The following NDRG4 variants were observed in gnomAD, a reference collection of about 807,000 sequenced individuals.
NDRG4 encodes the protein NDRG family member 4.
A neutral mutation model predicts 55.8 loss-of-function variants in NDRG4; 38 were observed. That is an observed-to-expected ratio of 0.68 (90% CI 0.53 to 0.89). The LOEUF is 0.89. Ranked by LOEUF, NDRG4 falls within the 40% of genes least tolerant of loss-of-function variation. The pLI is 0.00. For missense variants in NDRG4, 455 were observed against 468.6 expected (o/e 0.97, Z 0.27); for synonymous variants, 190 against 182.7 (o/e 1.04, Z -0.32).
Position 58,464,928 on chromosome 16 carries a change from G to A in NDRG4, c.-24+1131G>A. On this transcript the variant is annotated intron_variant, in intron 1 of 15. Coordinates refer to the NDRG4 transcript ENST00000258187. The surrounding 1 kb of genome is among the most constrained non-coding windows in gnomAD (Gnocchi z 4.8). ...AGTGGAGGCGACGCCAAGTGGCCTG[G>A]GAAGTGGGAAGCCAGATTGGACCCT... The A allele has an allele frequency of 8.5e-7, 1 of 1,175,884 alleles. No homozygotes were observed. The highest frequency in any genetic ancestry group is 1.1e-6 in the Non-Finnish European group (1 of 935,446). 72.8% of individuals were successfully genotyped at this position (1,175,884 alleles called of 1,614,324 possible). A position where few individuals can be genotyped will look rare whatever the true frequency, so the allele number is the denominator to read the frequency against.
chr16:58,467,376 G>A (rs138948859), intron 1 of NDRG4, among the ~76,000 whole-genome samples: 5,996 of 152,110 alleles, frequency 0.039, 132 homozygotes, highest in African/African-American at 0.052. Context: ...GTGTGGTGGC[G>A]CACGCCTGTA....
chr16:58,473,403 A>G (rs559737110), intron 1 of NDRG4, among the ~76,000 whole-genome samples: 2 of 152,156 alleles, frequency 1.3e-5, no homozygotes, highest in African/African-American at 4.8e-5. Flanking sequence ...GGCTCAAGTA[A>G]TCCTCCCACC....
At chr16:58,475,601 C>G (rs2033509340) in intron 1 of NDRG4, 1 of 455,690 alleles carries the variant, frequency 2.2e-6, no homozygotes, top group Non-Finnish European at 4.4e-6. Flanking sequence ...TTTTTTCTCT[C>G]TCATAACCAG....
At chr16:58,496,501 C>T (rs2036426844), upstream of NDRG4, among the ~76,000 whole-genome samples, 1 of 152,084 alleles carries the variant, frequency 6.6e-6, no homozygotes, top group African/African-American at 2.4e-5. Context: ...TTATCTCCTG[C>T]TCACTATGGC....
intron 1 of NDRG4, among the ~76,000 whole-genome samples, chr16:58,467,695 C>G (rs1408534186): frequency 6.6e-6 from 1 of 152,170 alleles, no homozygotes. Context: ...GGCTTTGGGA[C>G]AGTCTAATAG....
chr16:58,497,934 TAGA>T (rs1220115723), upstream of NDRG4, among the ~76,000 whole-genome samples: 2 of 151,992 alleles, frequency 1.3e-5, no homozygotes, highest in South Asian at 2.1e-4. Flanking sequence ...GCTTTACAAT[TAGA>T]AGCCTGAGAC....
Position 58,480,560 on chromosome 16 carries a change from C to G in NDRG4, c.-23-7196C>G, listed in dbSNP as rs548408881. On this transcript the variant is annotated intron_variant, in intron 1 of 15. Transcript: ENST00000258187. Reference sequence around the variant, plus strand: ...AATACTGCTTTATGCCTATAACTGACATTGGAACAGTGGCATTTGAGCAAC... The same window carrying G: ...AATACTGCTTTATGCCTATAACTGAGATTGGAACAGTGGCATTTGAGCAAC... 5.3e-5 allele frequency among the ~76,000 whole-genome samples: 8 copies of G among 152,340 alleles called. No individual in the cohort carries two copies. The South Asian group carries it at 1.7e-3, about 32-fold the overall frequency.
chr16:58,511,332 G>T (rs74019901), intron 14 of NDRG4, 90 bp from the exon 15 acceptor site: 1 of 1,423,938 alleles, frequency 7.0e-7, no homozygotes, highest in Non-Finnish European at 9.4e-7. Context: ...GGAACGGTTC[G>T]CTGGCCGCTT....
At chr16:58,500,982 T>G in intron 1 of NDRG4, 1 of 1,243,706 alleles carries the variant, frequency 8.0e-7, no homozygotes, top group Non-Finnish European at 1.0e-6. Flanking sequence ...CTGCCTTATT[T>G]TGTAGGTGGG....
chr16:58,487,866 G>C, intron 2 of NDRG4: 1 of 1,522,752 alleles, frequency 6.6e-7, no homozygotes, highest in Non-Finnish European at 8.9e-7. Flanking sequence ...TTGGAGTCGC[G>C]CCTTTGAGGT....
At position 58,464,859 on chromosome 16, in the gene NDRG4, A is replaced by G; in HGVS notation, c.-24+1062A>G. ...GGACCTCTTATTTCTGCGCCCTGTGACAATCTGAGCCGTCTTTCTCTGGGG... is the reference window on the plus strand; with the variant it reads ...GGACCTCTTATTTCTGCGCCCTGTGGCAATCTGAGCCGTCTTTCTCTGGGG... On this transcript the variant is annotated intron_variant, in intron 1 of 15. Transcript: ENST00000258187. The surrounding 1 kb of genome is among the most constrained non-coding windows in gnomAD (Gnocchi z 4.8). 1 of 1,212,864 alleles carries G rather than the reference A, an allele frequency of 8.2e-7. No individual in the cohort carries two copies. Among genetic ancestry groups the G allele is most frequent in the Non-Finnish European group, 1.0e-6 (1 of 963,388 alleles). The allele number at this position is 1,212,864 out of a possible 1,614,324, so 75.1% of individuals were successfully genotyped here.
intron 1 of NDRG4, among the ~76,000 whole-genome samples, chr16:58,484,328 G>A (rs1261624117): frequency 4.6e-5 from 7 of 152,116 alleles, no homozygotes; most frequent in Non-Finnish European, 8.8e-5. Context: ...AGCTGAGATC[G>A]CGCCACTGCA....
chr16:58,501,159 C>T (rs1035924579), intron 1 of NDRG4: 1 of 983,032 alleles, frequency 1.0e-6, no homozygotes, highest in Non-Finnish European at 1.3e-6. Context: ...GCCTGCCCTG[C>T]CGGTTCCGCA....
At chr16:58,515,374 C>T, downstream of NDRG4, 1 of 720,028 alleles carries the variant, frequency 1.4e-6, no homozygotes, top group Non-Finnish European at 2.2e-6. Flanking sequence ...ATCCTGGACT[C>T]AAGATGTTTT....
At position 58,504,574 on chromosome 16, in the gene NDRG4, C is replaced by G; in HGVS notation, c.312-15C>G. 1 of 1,614,216 alleles carries G rather than the reference C, an allele frequency of 6.2e-7. No individual in the cohort carries two copies. Among genetic ancestry groups the G allele is most frequent in the Non-Finnish European group, 8.5e-7 (1 of 1,180,034 alleles). On this transcript the variant is annotated splice_polypyrimidine_tract_variant and intron_variant, in intron 4 of 14. Coordinates refer to ENST00000570248, the MANE Select transcript of NDRG4 (RefSeq NM_001242835.2). ...GCACCCCTAGCCCTAGAGTGACCAG[C>G]CTGCTCTGCACCAGGTTCAAGTATG...
At position 58,464,417 on chromosome 16, in the gene NDRG4, C is replaced by T. The variant is rs1176743663; in HGVS notation, c.-24+620C>T. On this transcript the variant is annotated intron_variant, in intron 1 of 15. Transcript: ENST00000258187. This position sits in a 1 kb window ranked among gnomAD's most constrained non-coding sequence, Gnocchi z 4.8. The stretch of plus-strand genomic sequence containing the variant: ...GACGCCGCCACCCAGAGCCGGGCCG[C>T]GCCGGGCGCCGAGATGAAGGTGCTG... 2 of 1,367,752 alleles carry T rather than the reference C, an allele frequency of 1.5e-6. No individual in the cohort carries two copies. The highest frequency in any genetic ancestry group is 1.9e-6 in the Non-Finnish European group (2 of 1,063,466). The allele number at this position is 1,367,752 out of a possible 1,614,324, so 84.7% of individuals were successfully genotyped here. A position where few individuals can be genotyped will look rare whatever the true frequency, so the allele number is the denominator to read the frequency against.
chr16:58,463,910 A>G (rs1372745102), intron 1 of NDRG4: 1 of 39,700 alleles, frequency 2.5e-5, no homozygotes, highest in Non-Finnish European at 4.8e-5. Context: ...CCCCAGCCCC[A>G]CGCACGACCC....
chr16:58,483,541 C>A (rs2034719362), intron 1 of NDRG4, among the ~76,000 whole-genome samples: 1 of 152,140 alleles, frequency 6.6e-6, no homozygotes, highest in South Asian at 2.1e-4. Flanking sequence ...TGTCTCTGTC[C>A]CCCAGCCAAA....
In NDRG4 at chr16:58,504,271, A is replaced by G; in HGVS notation, c.245A>G (p.Gln82Arg). 1 of 1,614,080 alleles carries G rather than the reference A, an allele frequency of 6.2e-7. No individual in the cohort carries two copies. The highest frequency in any genetic ancestry group is 2.2e-5 in the East Asian group (1 of 44,872). ...CAGGTGGGGGCGTCGCAGTTTCCTC[A>G]GGGGTAGGTACCCTGAGCCCCCTCT... ...GQQVGASQFPQGYQFPSMEQL... is the reference protein window; with the variant it reads ...GQQVGASQFPRGYQFPSMEQL... The change falls in exon 3 of 15, where the codon CAG becomes CGG. Residue 82 changes from glutamine (Q) to arginine (R), a missense_variant. Coordinates refer to ENST00000570248, the MANE Select transcript of NDRG4 (RefSeq NM_001242835.2).
Sources: gnomAD v4.1 joint callset for allele counts (sites outside exome capture counted in the v4.1 genomes callset) on GRCh38, gnomAD v4.1.1 for gene constraint, Gnocchi (gnomAD v3.1) non-coding constraint, MANE v1.5 for transcripts, NCBI Gene and HGNC (gene_info 2026-07-23, HGNC 2026-07-21) for gene names.